The following FAM200B variants were observed in gnomAD, a reference collection of about 807,000 sequenced individuals.
The protein encoded by FAM200B is zinc finger BED-type containing 11, also known as protein FAM200B.
In FAM200B, 32 loss-of-function variants were observed where a neutral mutation model predicts 33.1. That is an observed-to-expected ratio of 0.97 (90% CI 0.73 to 1.30). The LOEUF (loss-of-function observed/expected upper bound fraction) is 1.30. Among genes scored for constraint, FAM200B ranks in the 50% most tolerant of loss-of-function variants. FAM200B has a pLI of 0.00. For missense variants in FAM200B, 741 were observed against 754.0 expected, an observed-to-expected ratio of 0.98 and a Z score of 0.20; for synonymous variants, 240 against 264.8, an observed-to-expected ratio of 0.91 and a Z score of 0.91.
At chr4:15,685,337 A>C (rs1158568958) in intron 1 of FAM200B, among the ~76,000 whole-genome samples, 1 of 152,216 alleles carries the variant, frequency 6.6e-6, no homozygotes, top group Non-Finnish European at 1.5e-5. Context: ...AAGTACAAGG[A>C]AACTGCAGGA....
the FAM200B span, among the ~76,000 whole-genome samples, chr4:15,672,858 T>C: frequency 1.3e-5 from 2 of 151,846 alleles, no homozygotes; most frequent in African/African-American, 4.9e-5. Context: ...AAATACATGT[T>C]GTACAGCTGT....
the FAM200B span, among the ~76,000 whole-genome samples, chr4:15,648,794 T>A: frequency 1.8e-4 from 27 of 152,288 alleles, no homozygotes; most frequent in Non-Finnish European, 3.4e-4. Context: ...TAAGGTACAG[T>A]ATGGTGACTA....
chr4:15,665,274 A>G, the FAM200B span, among the ~76,000 whole-genome samples: 2 of 152,248 alleles, frequency 1.3e-5, no homozygotes, highest in Non-Finnish European at 2.9e-5. Flanking sequence ...GCCGTCAACC[A>G]TATTTACTTA....
At chr4:15,679,594 C>CA (rs1259384183), upstream of FAM200B, among the ~76,000 whole-genome samples, 3 of 150,110 alleles carry the variant, frequency 2.0e-5, no homozygotes, top group Admixed American at 6.6e-5. Context: ...AACAAAAAAC[C>CA]AACACCCAAT....
the FAM200B span, chr4:15,638,582 C>T: frequency 1.2e-6 from 2 of 1,613,334 alleles, no homozygotes; most frequent in Non-Finnish European, 1.7e-6. Flanking sequence ...TAGGCTAAGA[C>T]CTCTAAGGAG....
chr4:15,655,137 C>T, the FAM200B span: 1 of 1,254,818 alleles, frequency 8.0e-7, no homozygotes, highest in Admixed American at 2.7e-5. Context: ...CAGGCCGCCC[C>T]AAGAACCCAG....
At chr4:15,684,158 C>T (rs906618208) in intron 1 of FAM200B, among the ~76,000 whole-genome samples, 1 of 152,186 alleles carries the variant, frequency 6.6e-6, no homozygotes, top group African/African-American at 2.4e-5. Context: ...CATCAGTGTA[C>T]ACATTTATAG....
chr4:15,676,595 T>G, the FAM200B span, among the ~76,000 whole-genome samples: 2 of 152,050 alleles, frequency 1.3e-5, no homozygotes, highest in Middle Eastern at 6.3e-3. Flanking sequence ...CACTCAATAT[T>G]AGATATTAGA....
At chr4:15,656,132 G>A in the FAM200B span, 2 of 455,326 alleles carry the variant, frequency 4.4e-6, no homozygotes, top group South Asian at 1.5e-5. Context: ...TGGGGGTGGG[G>A]AGAAGGGTGA....
chr4:15,668,140 T>A, the FAM200B span, among the ~76,000 whole-genome samples: 11 of 152,018 alleles, frequency 7.2e-5, no homozygotes, highest in Admixed American at 5.9e-4. Context: ...ATTCAATTAT[T>A]TGTGACTTAA....
rs1719082687 is a variant in FAM200B at position 15,688,332 on chromosome 4, A to T, written c.1355A>T (p.Asp452Val). Residue 452 changes from aspartate to valine, a missense_variant, in exon 2 of 2, where the codon GAT (aspartate) becomes GTT (valine). By Grantham distance (152) the Asp-to-Val change is radical (BLOSUM62 -3). Transcript: ENST00000422728. ...LSLKLQGKNS[D>V]VFQHVERIQG... ...TTAAAACTACAGGGGAAAAACAGTGATGTATTCCAACATGTTGAACGTATC... is the reference window on the plus strand; with the variant it reads ...TTAAAACTACAGGGGAAAAACAGTGTTGTATTCCAACATGTTGAACGTATC... 4 of 1,550,292 alleles carry T rather than the reference A, an allele frequency of 2.6e-6. No homozygotes were observed. In the Admixed American group the frequency reaches 7.8e-5, roughly 30 times the overall value.
At chr4:15,685,887 C>T (rs995980354) in intron 1 of FAM200B, among the ~76,000 whole-genome samples, 3 of 152,148 alleles carry the variant, frequency 2.0e-5, no homozygotes, top group African/African-American at 7.2e-5. Flanking sequence ...TGCAGCACTA[C>T]CAAGGCAGGC....
the FAM200B span, among the ~76,000 whole-genome samples, chr4:15,676,521 T>C: frequency 1.3e-5 from 2 of 152,228 alleles, no homozygotes; most frequent in Non-Finnish European, 2.9e-5. Context: ...GGACATAGTT[T>C]AGCTTCTAAT....
the FAM200B span, among the ~76,000 whole-genome samples, chr4:15,647,222 C>CAAAAAAAAAAAAAAAAAA: frequency 5.5e-5 from 2 of 36,528 alleles, no homozygotes; most frequent in African/African-American, 2.3e-4. Context: ...GACTCCATCT[C>CAAAAAAAAAAAAAAAAAA]AAAAAAAAAA....
rs1718946322 is a variant in FAM200B, at chr4:15,687,321, T to C, written c.344T>C (p.Ile115Thr). 3.9e-6 allele frequency: 6 copies of C among 1,546,004 alleles called. No homozygotes were observed. The highest frequency in any genetic ancestry group is 2.4e-5 in the East Asian group (1 of 40,824). ...RHLETQHAEL[I>T]DKPLEYFQRK... ...TTAGAAACTCAGCATGCTGAACTTA[T>C]TGATAAGCCTCTTGAATATTTTCAA... Residue 115 changes from isoleucine to threonine, a missense_variant, in exon 2 of 2, where the codon ATT becomes ACT. Transcript: ENST00000422728.
chr4:15,659,741 C>T, the FAM200B span: 1 of 984,724 alleles, frequency 1.0e-6, no homozygotes. Flanking sequence ...CGTCATTTAC[C>T]TCTTAGTAAA....
At chr4:15,679,098 C>G (rs1011027306), upstream of FAM200B, among the ~76,000 whole-genome samples, 6 of 142,316 alleles carry the variant, frequency 4.2e-5, no homozygotes, top group Non-Finnish European at 9.0e-5. Context: ...CGGAGTCTCA[C>G]TCTCACCAGG....
chr4:15,647,092 G>C, the FAM200B span, among the ~76,000 whole-genome samples: 2 of 151,236 alleles, frequency 1.3e-5, no homozygotes, highest in Non-Finnish European at 3.0e-5. Context: ...GAGTGGTGGT[G>C]TGCACCTGTA....
the FAM200B span, among the ~76,000 whole-genome samples, chr4:15,668,440 T>G: frequency 6.6e-6 from 1 of 151,352 alleles, no homozygotes; most frequent in African/African-American, 2.4e-5. Context: ...GATTTTGACT[T>G]TATTCAAATC....
Sources: allele counts gnomAD v4.1 joint callset (sites outside exome capture counted in the v4.1 genomes callset), GRCh38; gene constraint gnomAD v4.1.1; transcripts MANE v1.5; gene names NCBI Gene and HGNC (gene_info 2026-07-23, HGNC 2026-07-21).